ASPHD1: variants seen among roughly 807,000 people sequenced by gnomAD.
The protein encoded by ASPHD1 is aspartate beta-hydroxylase domain-containing protein 1.
A neutral mutation model predicts 28.3 loss-of-function variants in ASPHD1; 20 were observed. That is an observed-to-expected ratio of 0.71 (90% confidence interval 0.50 to 1.03). ASPHD1 has a LOEUF of 1.03. ASPHD1 is among the 50% of genes least tolerant of loss of function. The pLI, the probability that ASPHD1 is intolerant of heterozygous loss-of-function variation, is 0.00. For synonymous variants in ASPHD1, 240 were observed against 221.2 expected (o/e 1.08, Z -0.75); for missense variants, 479 against 524.1 (o/e 0.91, Z 0.84).
intron 3 of ASPHD1, among the ~76,000 whole-genome samples, chr16:29,918,323 A>C (rs2068845087): frequency 6.6e-6 from 1 of 152,248 alleles, no homozygotes; most frequent in Non-Finnish European, 1.5e-5. Context: ...CCCTAGATCC[A>C]GGGGCCAATT....
At chr16:29,914,263 C>G (rs1376600862) in intron 3 of ASPHD1, 2 of 152,058 alleles carry the variant, frequency 1.3e-5, no homozygotes, top group Non-Finnish European at 2.9e-5. Flanking sequence ...ACCGCTGGCT[C>G]TCAGTGATTT....
At chr16:29,909,479 A>C (rs186765217), downstream of ASPHD1, among the ~76,000 whole-genome samples, 187 of 152,198 alleles carry the variant, frequency 1.2e-3, 4 homozygotes, top group South Asian at 0.018. Context: ...AAGGGACCAG[A>C]TGAGGAAGGG....
chr16:29,916,879 A>T (rs2068819152), intron 3 of ASPHD1, among the ~76,000 whole-genome samples: 1 of 152,138 alleles, frequency 6.6e-6, no homozygotes, highest in Admixed American at 6.6e-5. Context: ...TGGTTCTGAG[A>T]CAGGTCACCA....
At chr16:29,917,421 C>CA (rs2068829397) in intron 3 of ASPHD1, among the ~76,000 whole-genome samples, 1 of 152,090 alleles carries the variant, frequency 6.6e-6, no homozygotes, top group Non-Finnish European at 1.5e-5. Context: ...CCGAAGTGGG[C>CA]AGATCGCTTG....
chr16:29,913,396 T>A (rs1441010447), intron 3 of ASPHD1: 1 of 152,136 alleles, frequency 6.6e-6, no homozygotes, highest in East Asian at 1.9e-4. Context: ...CAGACCACTG[T>A]GTATATGAGA....
At chr16:29,919,201 C>T (rs114038355) in intron 3 of ASPHD1, among the ~76,000 whole-genome samples, 14 of 152,172 alleles carry the variant, frequency 9.2e-5, no homozygotes, top group Admixed American at 2.6e-4. Context: ...AGTTGGAAAG[C>T]GGGTCATTGT....
chr16:29,911,749 T>G, intron 3 of ASPHD1: 1 of 1,576,350 alleles, frequency 6.3e-7, no homozygotes, highest in Non-Finnish European at 8.7e-7. Flanking sequence ...GGCCCTCGCC[T>G]TGGGCAGAAG....
chr16:29,903,103 C>G (rs2068569286), intron 1 of ASPHD1, among the ~76,000 whole-genome samples: 1 of 150,202 alleles, frequency 6.7e-6, no homozygotes, highest in Admixed American at 6.6e-5. Context: ...CGCCTGTAAT[C>G]CCAGCACTTT....
At chr16:29,905,690 CA>C (rs1219716551) in intron 2 of ASPHD1, 97 bp from the exon 3 acceptor site, 7 of 692,472 alleles carry the variant, frequency 1.0e-5, no homozygotes, top group African/African-American at 3.6e-5. Context: ...CAAGGCCTGC[CA>C]CTTATTTACT....
intron 1 of ASPHD1, among the ~76,000 whole-genome samples, chr16:29,903,287 C>G (rs956053900): frequency 2.6e-5 from 4 of 151,660 alleles, no homozygotes; most frequent in Non-Finnish European, 5.9e-5. Context: ...ACTCGGGAGG[C>G]GGAGGTTGCA....
At chr16:29,919,427 A>G (rs2068868698) in intron 3 of ASPHD1, 1 of 152,238 alleles carries the variant, frequency 6.6e-6, no homozygotes, top group South Asian at 2.1e-4. Flanking sequence ...TACCTGAACC[A>G]GTAATTACAT....
rs1397589759 is a variant in ASPHD1 at position 29,905,378 on chromosome 16, C to G, written c.1064-410C>G. Among the ~76,000 whole-genome samples the G allele has an allele frequency of 2.6e-5, 4 of 152,092 alleles. No homozygotes were observed. The South Asian group carries it at 8.3e-4, about 32-fold the overall frequency. On this transcript the variant is annotated intron_variant, in intron 2 of 2. Coordinates refer to ENST00000308748, the MANE Select transcript of ASPHD1 (RefSeq NM_181718.4). ...TGGTGGCTCACGCCTGTAATCCCAGCACTTTGGGAGGCTGAGGTGGGCGGA... is the reference window on the plus strand; with the variant it reads ...TGGTGGCTCACGCCTGTAATCCCAGGACTTTGGGAGGCTGAGGTGGGCGGA...
At chr16:29,906,723 A>G (rs956618023), downstream of ASPHD1, 5 of 699,746 alleles carry the variant, frequency 7.1e-6, no homozygotes, top group East Asian at 5.4e-5. Flanking sequence ...TGGGTGGAGA[A>G]GGGCCAAAGT....
intron 3 of ASPHD1, chr16:29,911,377 C>A (rs2068706116): frequency 6.8e-6 from 4 of 584,706 alleles, no homozygotes; most frequent in Admixed American, 3.1e-5. Context: ...CAGCACAGCA[C>A]AGCACAGCAG....
rs953585708 is a variant in ASPHD1, at chr16:29,901,487, C to T, written c.516C>T (p.Gly172=). The change falls in exon 1 of 3, where the codon GGC becomes GGT. Residue 172 remains glycine (G), a synonymous_variant. Coordinates refer to ENST00000308748, the MANE Select transcript of ASPHD1 (RefSeq NM_181718.4). The surrounding 1 kb of genome is among the most constrained non-coding windows in gnomAD (Gnocchi z 5.1). Reference sequence around the variant, plus strand: ...GAGTGAGGCGGGCAGCTCAGGGTGGCCCAGGCCCTGGGAGAGGGCCAGGGG... The same window carrying T: ...GAGTGAGGCGGGCAGCTCAGGGTGGTCCAGGCCCTGGGAGAGGGCCAGGGG... ...MGRVRRAAQG[G]PGPGRGPGVL... 6.7e-7 allele frequency: 1 copy of T among 1,496,136 alleles called. No individual in the cohort carries two copies. Among genetic ancestry groups the T allele is most frequent in the East Asian group, 2.2e-5 (1 of 44,652 alleles). The allele number at this position is 1,496,136 out of a possible 1,614,324, so 92.7% of individuals were successfully genotyped here.
At chr16:29,911,358 A>G (rs566930813) in intron 3 of ASPHD1, 373 of 605,388 alleles carry the variant, frequency 6.2e-4, no homozygotes, top group Non-Finnish European at 9.5e-4. Flanking sequence ...ACATGCGCTG[A>G]GCAAATCCCA....
chr16:29,912,203 C>T, intron 3 of ASPHD1: 1 of 653,688 alleles, frequency 1.5e-6, no homozygotes, highest in Non-Finnish European at 2.7e-6. Flanking sequence ...CTCTGCCACT[C>T]TCCCTTTGCT....
Position 29,901,502 on chromosome 16 carries a change from A to C in ASPHD1, c.531A>C (p.Arg177Ser), listed in dbSNP as rs376961340. 3.1e-6 allele frequency: 5 copies of C among 1,600,022 alleles called. No individual in the cohort carries two copies. Among genetic ancestry groups the C allele is most frequent in the Non-Finnish European group, 4.2e-6 (5 of 1,176,796 alleles). Reference protein sequence around the residue: ...RAAQGGPGPGRGPGVLGIQRP... With the variant: ...RAAQGGPGPGSGPGVLGIQRP... ...CTCAGGGTGGCCCAGGCCCTGGGAG[A>C]GGGCCAGGGGTCCTAGGTATTCAGC... Residue 177 changes from arginine (R) to serine (S), a missense_variant, in exon 1 of 3, where the codon AGA becomes AGC. By Grantham distance (110) the Arg-to-Ser change is moderately radical. Coordinates refer to ENST00000308748, the MANE Select transcript of ASPHD1 (RefSeq NM_181718.4). The surrounding 1 kb of genome is among the most constrained non-coding windows in gnomAD (Gnocchi z 5.1).
chr16:29,910,900 C>T, downstream of ASPHD1: 1 of 1,406,092 alleles, frequency 7.1e-7, no homozygotes, highest in Non-Finnish European at 9.8e-7. Flanking sequence ...GGCTCCTTCC[C>T]CTGCCAACCT....
Sources: allele counts gnomAD v4.1 joint callset (sites outside exome capture counted in the v4.1 genomes callset), GRCh38; gene constraint gnomAD v4.1.1; non-coding constraint Gnocchi (gnomAD v3.1); transcripts MANE v1.5; gene names NCBI Gene and HGNC (gene_info 2026-07-23, HGNC 2026-07-21).